The following EIF3E variants were observed in gnomAD, a reference collection of about 807,000 sequenced individuals.
EIF3E encodes eIF-3 p48.
EIF3E carries 25 observed loss-of-function variants against 59.3 expected under a neutral mutation model. The observed-to-expected ratio is 0.42, with a 90% confidence interval of 0.31 to 0.59. The LOEUF (loss-of-function observed/expected upper bound fraction) is 0.59. EIF3E is among the 20% of genes least tolerant of loss of function. The pLI, the probability that EIF3E is intolerant of heterozygous loss-of-function variation, is 0.15. For missense variants in EIF3E, 317 were observed against 534.3 expected (o/e 0.59, Z 4.01); for synonymous variants, 176 against 170.2 (o/e 1.03, Z -0.26).
chr8:108,235,808 T>A (rs926258424), intron 4 of EIF3E, among the ~76,000 whole-genome samples: 10 of 152,244 alleles, frequency 6.6e-5, no homozygotes, highest in Admixed American at 2.6e-4. Context: ...TAATTCTGTT[T>A]GCCTTACTCG....
intron 12 of EIF3E, 39 bp downstream of exon 12, chr8:108,202,944 G>A: frequency 6.3e-7 from 1 of 1,576,466 alleles, no homozygotes; most frequent in Admixed American, 1.8e-5. Context: ...TTACATGGTT[G>A]CTAAACCCCA....
intron 9 of EIF3E, among the ~76,000 whole-genome samples, chr8:108,215,178 C>T (rs569223175): frequency 6.6e-6 from 1 of 151,108 alleles, no homozygotes; most frequent in Non-Finnish European, 1.5e-5. Flanking sequence ...CAACCAAGTA[C>T]CCTCTAGGTC....
intron 5 of EIF3E, chr8:108,231,662 A>C (rs981447997): frequency 6.6e-6 from 1 of 152,068 alleles, no homozygotes; most frequent in African/African-American, 2.4e-5. Flanking sequence ...ATGAGGGAAA[A>C]TTTTAACAAA....
intron 5 of EIF3E, chr8:108,234,198 A>G (rs1815679914): frequency 6.6e-6 from 1 of 152,176 alleles, no homozygotes; most frequent in Admixed American, 6.6e-5. Context: ...ATGCCCAGCT[A>G]ATTTTTGTAT....
chr8:108,245,809 G>C (rs1455809765), intron 1 of EIF3E, among the ~76,000 whole-genome samples: 1 of 152,176 alleles, frequency 6.6e-6, no homozygotes, highest in Non-Finnish European at 1.5e-5. Context: ...CATATTATGT[G>C]CTGAGAGCAC....
At chr8:108,204,746 T>TATATATATATATATAGAG (rs1354950271) in intron 10 of EIF3E, among the ~76,000 whole-genome samples, 6 of 113,686 alleles carry the variant, frequency 5.3e-5, no homozygotes, top group Admixed American at 8.8e-5. Flanking sequence ...TATATATATA[T>TATATATATATATATAGAG]AGAGAGAGAG....
In EIF3E at chr8:108,240,001, T is replaced by A; in HGVS notation, c.280A>T (p.Met94Leu). The A allele has an allele frequency of 6.2e-7, 1 of 1,614,086 alleles. No individual in the cohort carries two copies. The highest frequency in any genetic ancestry group is 8.5e-7 in the Non-Finnish European group (1 of 1,179,982). Residue 94 changes from methionine to leucine, a missense_variant, in exon 3 of 13, where the codon ATG becomes TTG. Met to Leu is a conservative substitution (Grantham distance 15, BLOSUM62 2). Around this residue, in one of 4 missense-constraint regions of EIF3E, gnomAD observed 242 missense variants for 398.0 expected, o/e 0.61. Transcript: ENST00000220849. ...LQAETEPIVK[M>L]FEDPETTRQM... is the part of the protein sequence containing the mutation. ...CTTGTAGTTTCTGGATCTTCAAACA[T>A]CTTCACAATTGGTTCTGTTTCTGCC...
At chr8:108,208,622 T>C (rs1367759826) in intron 10 of EIF3E, among the ~76,000 whole-genome samples, 1 of 152,146 alleles carries the variant, frequency 6.6e-6, no homozygotes, top group Admixed American at 6.5e-5. Context: ...TAAATGTAAA[T>C]TGTTATGTGG....
rs374196734 is a variant in EIF3E at position 108,241,890 on chromosome 8, T to C, written c.114A>G (p.Leu38=). Residue 38 remains leucine (L), a synonymous_variant, in exon 2 of 13, where the codon TTA becomes TTG. Coordinates refer to ENST00000220849, the MANE Select transcript of EIF3E (RefSeq NM_001568.3). ...CACTAAGAAGGTCCAATTTACCTTG[T>C]AATAATTCCTTTTCATTATATATCT... The part of the protein sequence containing the change: ...VKEIYNEKEL[L]QGKLDLLSDT... 4.4e-6 allele frequency: 7 copies of C among 1,593,124 alleles called. No homozygotes were observed. Among genetic ancestry groups the C allele is most frequent in the East Asian group, 2.2e-5 (1 of 44,562 alleles).
At chr8:108,203,303 A>G (rs1815030591) in intron 11 of EIF3E, 98 bp downstream of exon 11, 1 of 1,325,048 alleles carries the variant, frequency 7.5e-7, no homozygotes, top group East Asian at 2.4e-5. Flanking sequence ...TTAAAACAAA[A>G]TAAATTATTA....
At position 108,245,184 on chromosome 8, in the gene EIF3E, G is replaced by C. The variant is rs1039109957; in HGVS notation, c.91-3271C>G. On this transcript the variant is annotated intron_variant, in intron 1 of 12. Coordinates refer to ENST00000220849, the MANE Select transcript of EIF3E (RefSeq NM_001568.3). ...AGTCTTCCAAAATAAAAAACATTTAGAGCCAAGGGTGGTGGCTCATGTCTG... is the reference window on the plus strand; with the variant it reads ...AGTCTTCCAAAATAAAAAACATTTACAGCCAAGGGTGGTGGCTCATGTCTG... Among the ~76,000 whole-genome samples, 3 of 147,066 alleles carry C rather than the reference G, an allele frequency of 2.0e-5. No homozygotes were observed. In the Admixed American group the frequency reaches 2.0e-4, roughly 10 times the overall value.
At chr8:108,233,925 G>A (rs1815675194) in intron 5 of EIF3E, among the ~76,000 whole-genome samples, 1 of 151,084 alleles carries the variant, frequency 6.6e-6, no homozygotes, top group Admixed American at 6.6e-5. Context: ...TTTCTCAAAT[G>A]AGAGGCTAGT....
At chr8:108,248,224 A>G (rs1049742233) in intron 1 of EIF3E, among the ~76,000 whole-genome samples, 1 of 152,204 alleles carries the variant, frequency 6.6e-6, no homozygotes, top group Non-Finnish European at 1.5e-5. Flanking sequence ...GGCTTCCCAC[A>G]GTTCCCAAAA....
chr8:108,224,095 G>A (rs1290798957), intron 7 of EIF3E, among the ~76,000 whole-genome samples: 2 of 150,584 alleles, frequency 1.3e-5, no homozygotes, highest in African/African-American at 2.5e-5. Flanking sequence ...GGTGGTGGGC[G>A]CCTGTAGTCC....
At chr8:108,232,245 G>C (rs1329529792) in intron 5 of EIF3E, among the ~76,000 whole-genome samples, 3 of 152,094 alleles carry the variant, frequency 2.0e-5, no homozygotes, top group African/African-American at 7.2e-5. Flanking sequence ...ATGCCAACAG[G>C]AAGCAACAAA....
At chr8:108,226,710 G>A (rs1815522647) in intron 7 of EIF3E, among the ~76,000 whole-genome samples, 1 of 152,112 alleles carries the variant, frequency 6.6e-6, no homozygotes, top group South Asian at 2.1e-4. Context: ...GCCCCACAAA[G>A]TTAGGATATA....
intron 7 of EIF3E, among the ~76,000 whole-genome samples, chr8:108,222,640 T>C (rs1029034859): frequency 6.6e-6 from 1 of 152,198 alleles, no homozygotes; most frequent in Non-Finnish European, 1.5e-5. Flanking sequence ...TCCAACCAAA[T>C]TTAAGACAGA....
chr8:108,219,600 G>T (rs957416272), intron 7 of EIF3E, among the ~76,000 whole-genome samples: 15 of 152,156 alleles, frequency 9.9e-5, no homozygotes, highest in African/African-American at 3.6e-4. Context: ...AAACGGCCAG[G>T]TGCCATGACT....
chr8:108,239,640 G>A (rs1423543367), intron 3 of EIF3E, among the ~76,000 whole-genome samples: 2 of 152,086 alleles, frequency 1.3e-5, no homozygotes, highest in East Asian at 3.9e-4. Context: ...CACCCCTCCA[G>A]TTATGACAAC....
Sources: allele counts gnomAD v4.1 joint callset (sites outside exome capture counted in the v4.1 genomes callset), GRCh38; gene constraint gnomAD v4.1.1; regional missense constraint gnomAD v4.1.1; transcripts MANE v1.5; gene names NCBI Gene and HGNC (gene_info 2026-07-23, HGNC 2026-07-21).